Variants in RBMS2 observed in about 807,000 individuals in gnomAD.
The protein encoded by RBMS2 is RNA binding motif single stranded interacting protein 2.
RBMS2 carries 38 observed loss-of-function variants against 58.4 expected under a neutral mutation model. The observed-to-expected ratio is 0.65, with a 90% CI of 0.50 to 0.85. RBMS2 has a LOEUF of 0.85. Among genes scored for constraint, RBMS2 ranks in the 40% least tolerant of loss-of-function variants. RBMS2 has a pLI of 0.00. For synonymous variants in RBMS2, 151 were observed against 180.7 expected, an observed-to-expected ratio of 0.84 and a Z score of 1.32; for missense variants, 367 against 503.7, an observed-to-expected ratio of 0.73 and a Z score of 2.60.
intron 12 of RBMS2, 24 bp from the exon 13 acceptor site, chr12:56,588,907 AC>A (rs772872275): frequency 8.1e-6 from 13 of 1,611,450 alleles, no homozygotes; most frequent in South Asian, 2.2e-5. Flanking sequence ...GCGCAAGATG[AC>A]CCCCCTCCTT....
chr12:56,551,116 T>C (rs1878190542), intron 1 of RBMS2, among the ~76,000 whole-genome samples: 1 of 135,982 alleles, frequency 7.4e-6, no homozygotes, highest in Non-Finnish European at 1.6e-5. Context: ...CAAGACCCTG[T>C]TTCAAAAAAA....
At chr12:56,563,052 G>A (rs1400418065) in intron 2 of RBMS2, among the ~76,000 whole-genome samples, 1 of 152,124 alleles carries the variant, frequency 6.6e-6, no homozygotes, top group Non-Finnish European at 1.5e-5. Context: ...GAACCCTGGA[G>A]GCTGAGCTTG....
At chr12:56,530,320 C>T (rs1265832058) in intron 1 of RBMS2, among the ~76,000 whole-genome samples, 3 of 137,520 alleles carry the variant, frequency 2.2e-5, no homozygotes, top group Admixed American at 7.7e-5. Context: ...AAGAGGATAG[C>T]GGTGCTGTCA....
intron 9 of RBMS2, among the ~76,000 whole-genome samples, chr12:56,583,950 C>T (rs1211528154): frequency 6.6e-6 from 1 of 152,064 alleles, no homozygotes; most frequent in Non-Finnish European, 1.5e-5. Context: ...CAAACTTTAG[C>T]GATGTATCAG....
intron 3 of RBMS2, among the ~76,000 whole-genome samples, chr12:56,569,269 T>C (rs540511543): frequency 6.6e-6 from 1 of 152,354 alleles, no homozygotes; most frequent in African/African-American, 2.4e-5. Context: ...TTGAGTCTAC[T>C]GAGCTTATTT....
At chr12:56,540,705 A>G (rs75233585) in intron 1 of RBMS2, among the ~76,000 whole-genome samples, 5,164 of 152,238 alleles carry the variant, frequency 0.034, 312 homozygotes, top group African/African-American at 0.12. Context: ...AATCCCCACA[A>G]CAGTCCTATT....
intron 1 of RBMS2, among the ~76,000 whole-genome samples, chr12:56,543,567 T>C (rs1876557365): frequency 6.7e-6 from 1 of 149,336 alleles, no homozygotes; most frequent in Admixed American, 6.7e-5. Context: ...GAGTACAGGC[T>C]GGTCTGGAAC....
At chr12:56,529,845 G>A (rs995488003) in intron 1 of RBMS2, among the ~76,000 whole-genome samples, 1 of 152,142 alleles carries the variant, frequency 6.6e-6, no homozygotes, top group Non-Finnish European at 1.5e-5. Context: ...TTCTTTTTGG[G>A]ATAATGAAAT....
chr12:56,584,547 AG>A lies in RBMS2; in HGVS notation c.874-2300del, dbSNP rs565299857. Among the ~76,000 whole-genome samples, 4 of 151,946 alleles carry A rather than the reference AG, an allele frequency of 2.6e-5. No individual in the cohort carries two copies. In the East Asian group the frequency reaches 7.8e-4, roughly 30 times the overall value. Reference sequence around the variant, plus strand: ...ACGCCTATAATCCCAGCACTTTGGGAGGCCGAGGAGGGCGGATCACAAGGTC... The same window carrying A: ...ACGCCTATAATCCCAGCACTTTGGGAGCCGAGGAGGGCGGATCACAAGGTC... On this transcript the variant is annotated intron_variant, in intron 9 of 13. Transcript: ENST00000262031.
intron 1 of RBMS2, among the ~76,000 whole-genome samples, chr12:56,544,724 G>A (rs1207408653): frequency 6.0e-5 from 9 of 150,892 alleles, no homozygotes; most frequent in African/African-American, 2.2e-4. Flanking sequence ...GGGACTACAG[G>A]CACATGCCAC....
At chr12:56,588,505 A>T in intron 12 of RBMS2, 131 bp downstream of exon 12, 1 of 885,618 alleles carries the variant, frequency 1.1e-6, no homozygotes, top group South Asian at 1.5e-5. Context: ...TATACGAAGA[A>T]CGTAGGAAGG....
At chr12:56,565,415 TC>T (rs1427175048) in intron 2 of RBMS2, among the ~76,000 whole-genome samples, 2 of 152,194 alleles carry the variant, frequency 1.3e-5, no homozygotes, top group Non-Finnish European at 2.9e-5. Flanking sequence ...TTTTTTTTTT[TC>T]CTATATATTT....
At chr12:56,521,502 G>GA (rs1871715771), upstream of RBMS2, among the ~76,000 whole-genome samples, 1 of 73,168 alleles carries the variant, frequency 1.4e-5, no homozygotes, top group Non-Finnish European at 2.4e-5. Flanking sequence ...CTCTAACTCT[G>GA]TTTTTTTTTT....
chr12:56,562,364 C>T, intron 1 of RBMS2, 53 bp from the exon 2 acceptor site: 1 of 1,507,652 alleles, frequency 6.6e-7, no homozygotes, highest in South Asian at 1.2e-5. Context: ...CTTCCTCACT[C>T]TCCAACATGT....
chr12:56,547,023 A>G (rs945528244), intron 1 of RBMS2, among the ~76,000 whole-genome samples: 5 of 151,802 alleles, frequency 3.3e-5, no homozygotes, highest in African/African-American at 1.2e-4. Flanking sequence ...TGTGATTTTG[A>G]TTTGCATTTC....
chr12:56,556,720 C>A (rs1879301726), intron 1 of RBMS2, among the ~76,000 whole-genome samples: 1 of 152,096 alleles, frequency 6.6e-6, no homozygotes, highest in South Asian at 2.1e-4. Flanking sequence ...ATACTAACCA[C>A]ATTCTGAACT....
chr12:56,577,035 C>CA (rs60298708), intron 5 of RBMS2, among the ~76,000 whole-genome samples: 7,500 of 63,248 alleles, frequency 0.12, 372 homozygotes, highest in African/African-American at 0.17. Flanking sequence ...AGTGAGATTC[C>CA]AAAAAAAAAA....
intron 7 of RBMS2, 155 bp downstream of exon 7, chr12:56,581,663 G>C: frequency 1.8e-6 from 2 of 1,126,680 alleles, no homozygotes; most frequent in South Asian, 2.9e-5. Flanking sequence ...GTTTGTTCTC[G>C]AGTGTGGCTT....
At chr12:56,581,665 G>C in intron 7 of RBMS2, 157 bp downstream of exon 7, 1 of 1,128,920 alleles carries the variant, frequency 8.9e-7, no homozygotes, top group Non-Finnish European at 1.3e-6. Flanking sequence ...TTGTTCTCGA[G>C]TGTGGCTTTG....
Sources: allele counts gnomAD v4.1 joint callset (sites outside exome capture counted in the v4.1 genomes callset), GRCh38; gene constraint gnomAD v4.1.1; transcripts MANE v1.5; gene names NCBI Gene and HGNC (gene_info 2026-07-23, HGNC 2026-07-21).